Variants in BUB1 observed in about 807,000 individuals in gnomAD.
BUB1 encodes BUB1 mitotic checkpoint serine/threonine kinase.
A neutral mutation model predicts 135.2 loss-of-function variants in BUB1; 84 were observed. The ratio of observed to expected loss-of-function variants is 0.62; its 90% CI spans 0.52 to 0.74. The LOEUF is 0.74. Among genes scored for constraint, BUB1 ranks in the 30% least tolerant of loss-of-function variants. BUB1 has a pLI of 0.00. For missense variants in BUB1, 1,162 were observed against 1,288.3 expected (o/e 0.90, Z 1.50); for synonymous variants, 403 against 434.4 (o/e 0.93, Z 0.90).
intron 23 of BUB1, 28 bp from the exon 24 acceptor site, chr2:110,639,876 C>G: frequency 6.5e-7 from 1 of 1,546,932 alleles, no homozygotes; most frequent in Non-Finnish European, 8.9e-7. Flanking sequence ...GTATATATGA[C>G]TTAAATAGTA....
intron 10 of BUB1, chr2:110,661,147 G>A (rs1381904526): frequency 6.5e-6 from 1 of 153,482 alleles, no homozygotes; most frequent in African/African-American, 2.4e-5. Flanking sequence ...GGTACATTTT[G>A]AGAGACAGAA....
chr2:110,657,674 T>C, intron 13 of BUB1, 29 bp from the exon 14 acceptor site: 2 of 1,475,876 alleles, frequency 1.4e-6, no homozygotes, highest in South Asian at 1.3e-5. Context: ...TAGCATCTAA[T>C]TATTGTACTA....
intron 4 of BUB1, 38 bp from the exon 5 acceptor site, chr2:110,670,606 A>C (rs368836785): frequency 6.3e-7 from 1 of 1,599,638 alleles, no homozygotes; most frequent in South Asian, 1.1e-5. Context: ...GTAGATTATA[A>C]ACTTACAGTA....
At chr2:110,672,908 A>T in intron 3 of BUB1, 51 bp from the exon 4 acceptor site, 1 of 1,488,758 alleles carries the variant, frequency 6.7e-7, no homozygotes, top group African/African-American at 1.4e-5. Context: ...CTGCTAGTCT[A>T]TGTCTGGTGA....
chr2:110,638,718 T>G (rs1689423671), intron 24 of BUB1, among the ~76,000 whole-genome samples: 1 of 152,214 alleles, frequency 6.6e-6, no homozygotes, highest in East Asian at 1.9e-4. Flanking sequence ...CTGCTGAGGG[T>G]TAACTTCCAG....
At chr2:110,670,126 G>GTTTTTTTT (rs377459142) in intron 5 of BUB1, among the ~76,000 whole-genome samples, 4 of 120,860 alleles carry the variant, frequency 3.3e-5, no homozygotes, top group African/African-American at 6.1e-5. Context: ...AATTGGATGG[G>GTTTTTTTT]TTTTTTTTTT....
chr2:110,675,948 G>A (rs1690569456), intron 1 of BUB1, among the ~76,000 whole-genome samples: 1 of 152,182 alleles, frequency 6.6e-6, no homozygotes, highest in African/African-American at 2.4e-5. Flanking sequence ...ACCATGTCCT[G>A]CCTAAAAAGC....
chr2:110,643,603 C>T (rs914331027), intron 19 of BUB1, among the ~76,000 whole-genome samples: 6 of 152,148 alleles, frequency 3.9e-5, no homozygotes, highest in African/African-American at 1.2e-4. Flanking sequence ...AACAGACACA[C>T]ATATGGCAGA....
chr2:110,666,019 T>C, intron 9 of BUB1: 1 of 352,808 alleles, frequency 2.8e-6, no homozygotes, highest in Non-Finnish European at 5.0e-6. Flanking sequence ...GGTCTATATA[T>C]AAATACATGA....
chr2:110,658,163 C>A (rs1173363179), intron 13 of BUB1, among the ~76,000 whole-genome samples: 1 of 152,094 alleles, frequency 6.6e-6, no homozygotes, highest in Non-Finnish European at 1.5e-5. Flanking sequence ...AGTACTCAGC[C>A]CTTCTTATCC....
chr2:110,666,806 A>G (rs1690270567), intron 8 of BUB1, among the ~76,000 whole-genome samples: 1 of 152,230 alleles, frequency 6.6e-6, no homozygotes, highest in Admixed American at 6.5e-5. Context: ...CTTTCTAAGT[A>G]GAAGTGAACT....
At chr2:110,657,791 C>T (rs1024532500) in intron 13 of BUB1, 146 bp from the exon 14 acceptor site, 2 of 590,560 alleles carry the variant, frequency 3.4e-6, no homozygotes, top group Non-Finnish European at 5.8e-6. Context: ...CAGTAAGTCA[C>T]TATAGTGAGA....
At position 110,672,781 on chromosome 2, in the gene BUB1, A is replaced by G. The variant is rs1235802891; in HGVS notation, c.302T>C (p.Leu101Pro). 1 of 1,614,030 alleles carries G rather than the reference A, an allele frequency of 6.2e-7. No individual in the cohort carries two copies. The highest frequency in any genetic ancestry group is 8.5e-7 in the Non-Finnish European group (1 of 1,180,010). ...NHGIGTLSSP[L>P]YIAWAGHLEA... ...CAGATGCCCCGCCCAGGCAATGTAC[A>G]GAGGGGATGACAGGGTTCCAATCCC... Residue 101 changes from leucine (L) to proline (P), a missense_variant, in exon 4 of 25, where the codon CTG becomes CCG. Transcript: ENST00000302759.
intron 18 of BUB1, 56 bp downstream of exon 18, chr2:110,650,490 C>CT: frequency 4.6e-6 from 7 of 1,537,834 alleles, no homozygotes; most frequent in Non-Finnish European, 6.2e-6. Context: ...CATGGGACAG[C>CT]TTTCCCCATG....
chr2:110,672,875 A>C lies in BUB1; in HGVS notation c.226-18T>G, dbSNP rs1690461135. ...TACTCAGCCTACACGAACCCAAAACAAAAAGACATAAGAATAATGGAACTG... is the reference window on the plus strand; with the variant it reads ...TACTCAGCCTACACGAACCCAAAACCAAAAGACATAAGAATAATGGAACTG... On this transcript the variant is annotated intron_variant, in intron 3 of 24. Coordinates refer to ENST00000302759, the MANE Select transcript of BUB1 (RefSeq NM_004336.5). 1.3e-6 allele frequency: 2 copies of C among 1,551,164 alleles called. No homozygotes were observed. The highest frequency in any genetic ancestry group is 1.4e-5 in the African/African-American group (1 of 72,554).
Position 110,648,129 on chromosome 2 carries a change from G to C in BUB1, c.2347+1105C>G, listed in dbSNP as rs1158718930. ...ACTTTATTCATAATTGCCAAAACTTGGAAGTAACCAAGATCTCTTTCATTA... is the reference window on the plus strand; with the variant it reads ...ACTTTATTCATAATTGCCAAAACTTCGAAGTAACCAAGATCTCTTTCATTA... On this transcript the variant is annotated intron_variant, in intron 19 of 24. Transcript: ENST00000302759. This position sits in a 1 kb window ranked among gnomAD's most constrained non-coding sequence, Gnocchi z 4.2. 6.6e-6 allele frequency among the ~76,000 whole-genome samples: 1 copy of C among 151,960 alleles called. No homozygotes were observed. The highest frequency in any genetic ancestry group is 6.6e-5 in the Admixed American group (1 of 15,236).
At chr2:110,639,932 A>G in intron 23 of BUB1, 84 bp from the exon 24 acceptor site, 1 of 1,099,328 alleles carries the variant, frequency 9.1e-7, no homozygotes, top group African/African-American at 1.5e-5. Context: ...TTAGGCAGCA[A>G]GTTAAATACT....
intron 1 of BUB1, among the ~76,000 whole-genome samples, chr2:110,675,725 C>T (rs1690561040): frequency 6.6e-6 from 1 of 151,924 alleles, no homozygotes; most frequent in Admixed American, 6.6e-5. Flanking sequence ...AATCATGGCT[C>T]GCTGTAACCT....
chr2:110,657,223 A>AC, intron 14 of BUB1, 106 bp from the exon 15 acceptor site: 4 of 850,760 alleles, frequency 4.7e-6, no homozygotes, highest in Non-Finnish European at 7.1e-6. Context: ...TAATGAGTTA[A>AC]TCTTTATATA....
Sources: gnomAD v4.1 joint callset for allele counts (sites outside exome capture counted in the v4.1 genomes callset) on GRCh38, gnomAD v4.1.1 for gene constraint, Gnocchi (gnomAD v3.1) non-coding constraint, MANE v1.5 for transcripts, NCBI Gene and HGNC (gene_info 2026-07-23, HGNC 2026-07-21) for gene names.